TRIO: variants seen among roughly 807,000 people sequenced by gnomAD.
TRIO encodes triple functional domain protein.
A neutral mutation model predicts 351.9 loss-of-function variants in TRIO; 58 were observed. That is an observed-to-expected ratio of 0.16 (90% CI 0.13 to 0.21). TRIO has a LOEUF of 0.21. TRIO is among the 10% of genes least tolerant of loss of function. The pLI is 1.00. For synonymous variants in TRIO, 1,758 were observed against 1,595.7 expected, an observed-to-expected ratio of 1.10 and a Z score of -2.42; for missense variants, 3,201 against 4,027.8, an observed-to-expected ratio of 0.79 and a Z score of 5.56.
chr5:14,277,046 T>C (rs184733264), intron 2 of TRIO, among the ~76,000 whole-genome samples: 20 of 152,330 alleles, frequency 1.3e-4, no homozygotes, highest in Admixed American at 7.2e-4. Flanking sequence ...GGAGGTATTT[T>C]TAGTTAATGT....
intron 2 of TRIO, 44 bp from the exon 3 acceptor site, chr5:14,280,278 G>A (rs1405483565): frequency 1.3e-6 from 2 of 1,553,858 alleles, no homozygotes; most frequent in African/African-American, 1.4e-5. Flanking sequence ...TAGGATTTCT[G>A]TCTTATCTTG....
chr5:14,434,361 T>G (rs1013511934), intron 34 of TRIO, among the ~76,000 whole-genome samples: 3 of 152,222 alleles, frequency 2.0e-5, no homozygotes, highest in Non-Finnish European at 4.4e-5. Flanking sequence ...TTACAGATCT[T>G]TAATTTGTCT....
intron 34 of TRIO, among the ~76,000 whole-genome samples, chr5:14,456,126 G>A (rs955535712): frequency 2.0e-4 from 31 of 152,382 alleles, no homozygotes; most frequent in Admixed American, 1.8e-3. Flanking sequence ...TAAGCCCCTC[G>A]CTGCCTGGGG....
chr5:14,176,433 G>A (rs924217415), intron 1 of TRIO, among the ~76,000 whole-genome samples: 6 of 152,028 alleles, frequency 3.9e-5, no homozygotes, highest in Non-Finnish European at 8.8e-5. Context: ...TCGCGCCACC[G>A]CACCCCAGCC....
chr5:14,170,296 A>G (rs1335155249), intron 1 of TRIO, among the ~76,000 whole-genome samples: 1 of 152,066 alleles, frequency 6.6e-6, no homozygotes, highest in Middle Eastern at 3.2e-3. Flanking sequence ...TTCAATGGAG[A>G]GATTATAGTA....
chr5:14,439,401 C>A (rs1022133955), intron 34 of TRIO, among the ~76,000 whole-genome samples: 18 of 152,176 alleles, frequency 1.2e-4, no homozygotes, highest in Non-Finnish European at 2.1e-4. Flanking sequence ...TAAGCTTAAT[C>A]CTCTTTTCTT....
intron 1 of TRIO, among the ~76,000 whole-genome samples, chr5:14,182,637 A>G (rs1178142961): frequency 2.0e-5 from 3 of 152,198 alleles, no homozygotes; most frequent in African/African-American, 7.2e-5. Context: ...AAATGCCATT[A>G]ATTATTACAC....
At chr5:14,291,675 G>T (rs965928000) in intron 5 of TRIO, among the ~76,000 whole-genome samples, 15 of 151,136 alleles carry the variant, frequency 9.9e-5, no homozygotes, top group Non-Finnish European at 7.4e-5. Context: ...TGTAATCCCA[G>T]CTACTCAGGA....
At chr5:14,297,685 G>T (rs181484849) in intron 7 of TRIO, among the ~76,000 whole-genome samples, 1 of 152,148 alleles carries the variant, frequency 6.6e-6, no homozygotes, top group South Asian at 2.1e-4. Context: ...AGCAAGGAAC[G>T]GAACGCCCAT....
chr5:14,438,079 C>CA (rs1417338279), intron 34 of TRIO, among the ~76,000 whole-genome samples: 3 of 152,050 alleles, frequency 2.0e-5, no homozygotes, highest in African/African-American at 4.8e-5. Context: ...TCAAAAATAC[C>CA]AAAAAACAGA....
intron 9 of TRIO, among the ~76,000 whole-genome samples, chr5:14,328,654 G>A (rs1470401006): frequency 6.6e-6 from 1 of 152,224 alleles, no homozygotes; most frequent in Non-Finnish European, 1.5e-5. Context: ...TTATAGGCGG[G>A]GATGCCATTT....
intron 1 of TRIO, among the ~76,000 whole-genome samples, chr5:14,230,179 A>G (rs1021104632): frequency 2.6e-5 from 4 of 152,228 alleles, no homozygotes; most frequent in African/African-American, 9.6e-5. Flanking sequence ...GTACACTTCC[A>G]AACTGAAGTA....
chr5:14,354,052 G>T (rs1743388515), intron 11 of TRIO, among the ~76,000 whole-genome samples: 1 of 152,236 alleles, frequency 6.6e-6, no homozygotes, highest in African/African-American at 2.4e-5. Context: ...TGAGTCAGGG[G>T]ACAGGCTGCT....
intron 37 of TRIO, 47 bp from the exon 38 acceptor site, chr5:14,471,271 A>T: frequency 6.3e-7 from 1 of 1,584,388 alleles, no homozygotes; most frequent in Non-Finnish European, 8.6e-7. Context: ...TTAGCCAATC[A>T]TGGGCTGTGG....
intron 1 of TRIO, among the ~76,000 whole-genome samples, chr5:14,261,590 T>C (rs755522602): frequency 3.9e-5 from 6 of 152,172 alleles, no homozygotes; most frequent in Non-Finnish European, 8.8e-5. Context: ...CATTTCAGTG[T>C]CACGTTAAAT....
At chr5:14,401,921 C>A (rs1358045802) in intron 31 of TRIO, among the ~76,000 whole-genome samples, 10 of 152,094 alleles carry the variant, frequency 6.6e-5, no homozygotes. Context: ...CTCTTGCATG[C>A]TTTTTCATCT....
chr5:14,291,728 G>T (rs1736921441), intron 5 of TRIO, among the ~76,000 whole-genome samples: 1 of 144,566 alleles, frequency 6.9e-6, no homozygotes, highest in Non-Finnish European at 1.5e-5. Context: ...GGCAGAGGTT[G>T]CAGTGAGCCA....
In TRIO at chr5:14,216,659, G is replaced by T. The variant is rs6554846; in HGVS notation, c.158-54166G>T. Among the ~76,000 whole-genome samples, 252 of 152,356 alleles carry T rather than the reference G, an allele frequency of 1.7e-3. 2 individuals carry two copies. Among genetic ancestry groups the T allele is most frequent in the African/African-American group, 5.5e-3 (229 of 41,584 alleles). ...ACCTCTTGGTTTTTAAAGACTCTGTGTATCGTATTATTGCCAATGTCATTC... is the reference window on the plus strand; with the variant it reads ...ACCTCTTGGTTTTTAAAGACTCTGTTTATCGTATTATTGCCAATGTCATTC... On this transcript the variant is annotated intron_variant, in intron 1 of 56. Coordinates refer to ENST00000344204, the MANE Select transcript of TRIO (RefSeq NM_007118.4).
At chr5:14,156,716 C>T (rs974427133) in intron 1 of TRIO, among the ~76,000 whole-genome samples, 2 of 152,182 alleles carry the variant, frequency 1.3e-5, no homozygotes, top group African/African-American at 4.8e-5. Flanking sequence ...GATAAATGAA[C>T]CTCCACCCCC....
Sources: gnomAD v4.1 joint callset for allele counts (sites outside exome capture counted in the v4.1 genomes callset) on GRCh38, gnomAD v4.1.1 for gene constraint, MANE v1.5 for transcripts, NCBI Gene and HGNC (gene_info 2026-07-23, HGNC 2026-07-21) for gene names.